DDX41: variants seen among roughly 807,000 people sequenced by gnomAD.
DDX41 encodes the protein DEAD-box helicase 41.
A neutral mutation model predicts 78.8 loss-of-function variants in DDX41; 50 were observed. The ratio of observed to expected loss-of-function variants is 0.63; its 90% CI spans 0.51 to 0.80. DDX41 has a LOEUF of 0.80. DDX41 is among the 30% of genes least tolerant of loss of function. The pLI, the probability that DDX41 is intolerant of heterozygous loss-of-function variation, is 0.00. For synonymous variants in DDX41, 381 were observed against 321.5 expected, an observed-to-expected ratio of 1.19 and a Z score of -1.98; for missense variants, 633 against 849.2, an observed-to-expected ratio of 0.75 and a Z score of 3.16.
intron 13 of DDX41, 48 bp downstream of exon 13, chr5:177,512,732 G>A (rs1345901346): frequency 1.9e-6 from 3 of 1,613,178 alleles, no homozygotes; most frequent in South Asian, 1.1e-5. Flanking sequence ...ATTAGGTAAA[G>A]CACTGCTACT....
At chr5:177,512,459 C>G (rs1010238534) in intron 14 of DDX41, 37 bp downstream of exon 14, 2 of 1,614,016 alleles carry the variant, frequency 1.2e-6, no homozygotes, top group Admixed American at 3.3e-5. Context: ...TGGCCCTTTT[C>G]CGGCCTAACC....
At chr5:177,512,443 C>T (rs1212046152) in intron 14 of DDX41, 50 bp from the exon 15 acceptor site, 2 of 1,613,994 alleles carry the variant, frequency 1.2e-6, no homozygotes, top group East Asian at 2.2e-5. Context: ...CACTAGGGGC[C>T]TGGCTTGGCC....
At chr5:177,516,604 G>C in intron 2 of DDX41, 121 bp downstream of exon 2, 1 of 1,370,082 alleles carries the variant, frequency 7.3e-7, no homozygotes, top group Non-Finnish European at 1.0e-6. Context: ...TGGGGGCCGC[G>C]CCCTGGTGTA....
At position 177,514,610 on chromosome 5, in the gene DDX41, G is replaced by A; in HGVS notation, c.935+91C>T. ...CGCACTCACAGCAGCCCTCTGTGAA[G>A]ATCTGTGGAGTGGCTAAGGTAAAGG... On this transcript the variant is annotated intron_variant, in intron 9 of 16. Coordinates refer to ENST00000330503, the MANE Select transcript of DDX41 (RefSeq NM_016222.4). This position sits in a 1 kb window ranked among gnomAD's most constrained non-coding sequence, Gnocchi z 4.2. The A allele has an allele frequency of 6.7e-7, 1 of 1,502,270 alleles. No homozygotes were observed. The highest frequency in any genetic ancestry group is 1.4e-5 in the African/African-American group (1 of 72,428). The allele number at this position is 1,502,270 out of a possible 1,614,324, so 93.1% of individuals were successfully genotyped here.
Position 177,515,200 on chromosome 5 carries a change from C to G in DDX41, c.630G>C (p.Gln210His), listed in dbSNP as rs755036127. Residue 210 changes from glutamine to histidine, a missense_variant, in exon 7 of 17, where the codon CAG becomes CAC. By Grantham distance (24) the Gln-to-His change is conservative. Transcript: ENST00000330503. ...TCCACACTCACATGGTGGGGATGCC[C>G]TGGATCTGAATGGGTGTTGGGTGGT... ...GIHHPTPIQI[Q>H]GIPTILSGRD... The G allele has an allele frequency of 6.2e-7, 1 of 1,613,980 alleles. No individual in the cohort carries two copies. Among genetic ancestry groups the G allele is most frequent in the Non-Finnish European group, 8.5e-7 (1 of 1,180,010 alleles).
rs958889442 is a variant in DDX41, at chr5:177,512,497, A to G, written c.1548T>C (p.Tyr516=). 2 of 1,614,108 alleles carry G rather than the reference A, an allele frequency of 1.2e-6. No homozygotes were observed. The highest frequency in any genetic ancestry group is 3.3e-5 in the Admixed American group (2 of 60,024). The part of the protein sequence containing the change: ...NYDMPEEIEN[Y]VHRIGRTGRS... The stretch of plus-strand genomic sequence containing the variant: ...TGCCCTTGGGCCCCAGGCTCTTACC[A>G]TAGTTCTCAATCTCCTCTGGCATGT... Residue 516 remains tyrosine (Y), a splice_region_variant and synonymous_variant, in exon 14 of 17, where the codon TAT becomes TAC. Transcript: ENST00000330503.
chr5:177,516,642 C>A, intron 2 of DDX41, 83 bp downstream of exon 2: 1 of 1,454,584 alleles, frequency 6.9e-7, no homozygotes. Flanking sequence ...GACTGCCCTC[C>A]TCCCCACGGA....
Position 177,516,796 on chromosome 5 carries a change from A to G in DDX41, c.67T>C (p.Ser23Pro). The change falls in exon 2 of 17, where the codon TCC (serine) becomes CCC (proline). Residue 23 changes from serine (S) to proline (P), a missense_variant. Coordinates refer to ENST00000330503, the MANE Select transcript of DDX41 (RefSeq NM_016222.4). ...TCGTCGTCCTCATCTTCCGCCTCGG[A>G]GCGGCTTCCTCCGGCAGGCACCTCG... ...TDEVPAGGSR[S>P]EAEDEDDEDY... 2 of 1,612,614 alleles carry G rather than the reference A, an allele frequency of 1.2e-6. No homozygotes were observed. The highest frequency in any genetic ancestry group is 1.7e-6 in the Non-Finnish European group (2 of 1,179,810).
intron 1 of DDX41, 39 bp downstream of exon 1, chr5:177,516,880 G>A (rs1185439061): frequency 1.2e-6 from 2 of 1,613,290 alleles, no homozygotes; most frequent in Non-Finnish European, 1.7e-6. Context: ...CCCTCTTCAC[G>A]CCCGCTCCCA....
intron 4 of DDX41, 56 bp downstream of exon 4, chr5:177,516,063 G>A: frequency 1.2e-6 from 2 of 1,613,966 alleles, no homozygotes; most frequent in Admixed American, 1.7e-5. Context: ...TAACATGCCT[G>A]GGGCTGGGAG....
In DDX41 at chr5:177,514,743, A is replaced by G. The variant is rs778667883; in HGVS notation, c.893T>C (p.Ile298Thr). 8.7e-6 allele frequency: 14 copies of G among 1,612,554 alleles called. No homozygotes were observed. Among genetic ancestry groups the G allele is most frequent in the African/African-American group, 4.0e-5 (3 of 74,932 alleles). ...SSPLLRCALC[I>T]GGMSVKEQME... ...CTGCTCTTTCACGGACATGCCCCCA[A>G]TGCAGAGGGCGCAGCGCAGGAGTGG... The change falls in exon 9 of 17, where the codon ATT becomes ACT. Residue 298 changes from isoleucine to threonine, a missense_variant. Coordinates refer to ENST00000330503, the MANE Select transcript of DDX41 (RefSeq NM_016222.4). This position sits in a 1 kb window ranked among gnomAD's most constrained non-coding sequence, Gnocchi z 4.2.
In DDX41 at chr5:177,513,115, G is replaced by A; in HGVS notation, c.1231-33C>T. The stretch of plus-strand genomic sequence containing the variant: ...CACAAAGATCAGGTCAGGTGATCTT[G>A]AGATTAGGCTTACCCGCCACAGCCC... On this transcript the variant is annotated intron_variant, in intron 11 of 16. Coordinates refer to ENST00000330503, the MANE Select transcript of DDX41 (RefSeq NM_016222.4). This position sits in a 1 kb window ranked among gnomAD's most constrained non-coding sequence, Gnocchi z 4.6. The A allele has an allele frequency of 6.3e-7, 1 of 1,591,808 alleles. No individual in the cohort carries two copies. Among genetic ancestry groups the A allele is most frequent in the Non-Finnish European group, 8.6e-7 (1 of 1,166,512 alleles).
In DDX41 at chr5:177,514,735, T is replaced by C. The variant is rs1761140994; in HGVS notation, c.901A>G (p.Met301Val). 6.2e-7 allele frequency: 1 copy of C among 1,612,442 alleles called. No homozygotes were observed. Among genetic ancestry groups the C allele is most frequent in the South Asian group, 1.1e-5 (1 of 91,086 alleles). Reference sequence around the variant, plus strand: ...GTCTCCATCTGCTCTTTCACGGACATGCCCCCAATGCAGAGGGCGCAGCGC... The same window carrying C: ...GTCTCCATCTGCTCTTTCACGGACACGCCCCCAATGCAGAGGGCGCAGCGC... ...LLRCALCIGG[M>V]SVKEQMETIR... Residue 301 changes from methionine (M) to valine (V), a missense_variant, in exon 9 of 17, where the codon ATG (methionine) becomes GTG (valine). Coordinates refer to ENST00000330503, the MANE Select transcript of DDX41 (RefSeq NM_016222.4). This position sits in a 1 kb window ranked among gnomAD's most constrained non-coding sequence, Gnocchi z 4.2.
chr5:177,513,676 G>C lies in DDX41; in HGVS notation c.1098+9C>G. The C allele has an allele frequency of 3.1e-6, 5 of 1,613,090 alleles. No individual in the cohort carries two copies. The highest frequency in any genetic ancestry group is 4.2e-6 in the Non-Finnish European group (5 of 1,179,946). ...GGTGCAGGGTGCCCTGGCCGGGCGG[G>C]GGCGGCACCTTGAAGTAGGAGAAGA... On this transcript the variant is annotated intron_variant, in intron 10 of 16. Coordinates refer to ENST00000330503, the MANE Select transcript of DDX41 (RefSeq NM_016222.4). This position sits in a 1 kb window ranked among gnomAD's most constrained non-coding sequence, Gnocchi z 4.6.
At position 177,512,333 on chromosome 5, in the gene DDX41, T is replaced by C; in HGVS notation, c.1610A>G (p.Asn537Ser). The part of the protein sequence containing the change: ...GNTGIATTFI[N>S]KACDESVLMD... ...GGTAACAGACTCACCACACGCTTTG[T>C]TGATGAAGGTAGTGGCGATGCCTGT... The change falls in exon 15 of 17, where the codon AAC becomes AGC. Residue 537 changes from asparagine (N) to serine (S), a missense_variant. Physicochemically the swap from Asn to Ser is conservative, Grantham distance 46 (BLOSUM62 1). Transcript: ENST00000330503. The C allele has an allele frequency of 1.2e-6, 2 of 1,613,956 alleles. No homozygotes were observed. Among genetic ancestry groups the C allele is most frequent in the Non-Finnish European group, 1.7e-6 (2 of 1,179,968 alleles).
At chr5:177,512,300 G>T in intron 15 of DDX41, 22 bp downstream of exon 15, 1 of 1,614,010 alleles carries the variant, frequency 6.2e-7, no homozygotes, top group African/African-American at 1.3e-5. Flanking sequence ...AACAGCTAAG[G>T]TGGCGCTGGT....
In DDX41 at chr5:177,516,226, AC is replaced by A. The variant is rs767252335; in HGVS notation, c.299-34del. 5.6e-6 allele frequency: 9 copies of A among 1,614,166 alleles called. No homozygotes were observed. In the South Asian group the frequency reaches 9.9e-5, roughly 18 times the overall value. On this transcript the variant is annotated intron_variant, in intron 3 of 16. Coordinates refer to ENST00000330503, the MANE Select transcript of DDX41 (RefSeq NM_016222.4). The stretch of plus-strand genomic sequence containing the variant: ...AAGAAGTGGAAGATGTCAGACAGAT[AC>A]CAAAACGGTGTACCAGGCTCAGCTT...
In DDX41 at chr5:177,516,167, G is replaced by A; in HGVS notation, c.325C>T (p.Gln109Ter). ...AGGATCTTCTCTTCTTCCTTCAGCT[G>A]CTTCTCCTTGGCAGACTCTTTGCGC... ...EARKESAKEK[Q>*]LKEEEKILES... Residue 109 changes from glutamine to a stop codon, truncating the protein, a stop_gained, in exon 4 of 17, where the codon CAG (glutamine) becomes TAG (stop). Coordinates refer to ENST00000330503, the MANE Select transcript of DDX41 (RefSeq NM_016222.4). LOFTEE classifies it high-confidence loss of function. 2.5e-6 allele frequency: 4 copies of A among 1,614,072 alleles called. No homozygotes were observed. The highest frequency in any genetic ancestry group is 2.2e-5 in the South Asian group (2 of 91,080).
At chr5:177,516,598 G>C in intron 2 of DDX41, 127 bp downstream of exon 2, 1 of 1,378,620 alleles carries the variant, frequency 7.3e-7, no homozygotes, top group Non-Finnish European at 1.0e-6. Context: ...TTTGTCTGGG[G>C]GCCGCGCCCT....
Sources: allele counts gnomAD v4.1 joint callset, GRCh38; gene constraint gnomAD v4.1.1; non-coding constraint Gnocchi (gnomAD v3.1); transcripts MANE v1.5; gene names NCBI Gene and HGNC (gene_info 2026-07-23, HGNC 2026-07-21).